The following DNAAF5 variants were observed in gnomAD, a reference collection of about 807,000 sequenced individuals.
The protein encoded by DNAAF5 is HEAT repeat containing 2.
In DNAAF5, 64 loss-of-function variants were observed where a neutral mutation model predicts 75.8. That is an observed-to-expected ratio of 0.84 (90% confidence interval 0.69 to 1.04). The LOEUF is 1.04. Among genes scored for constraint, DNAAF5 ranks in the 50% least tolerant of loss-of-function variants. The pLI is 0.00. For synonymous variants in DNAAF5, 657 were observed against 557.2 expected (o/e 1.18, Z -2.52); for missense variants, 1,269 against 1,178.5 (o/e 1.08, Z -1.12).
At position 763,962 on chromosome 7, in the gene DNAAF5, G is replaced by A. The variant is rs754002298; in HGVS notation, c.1771G>A (p.Val591Ile). ...SPELLQFSVI[V>I]AQSGPALGEA... ...GGAGCTCCTGCAGTTCAGTGTCATC[G>A]TCGCACAGTCAGGTGAGCCGTCCCG... is the stretch of plus-strand genomic sequence containing the variant. The change falls in exon 8 of 13, where the codon GTC becomes ATC. Residue 591 changes from valine to isoleucine, a missense_variant. Transcript: ENST00000297440. The A allele has an allele frequency of 4.5e-5, 72 of 1,604,038 alleles. No individual in the cohort carries two copies. Among genetic ancestry groups the A allele is most frequent in the Non-Finnish European group, 5.6e-5 (66 of 1,179,984 alleles).
intron 12 of DNAAF5, among the ~76,000 whole-genome samples, chr7:781,851 G>A (rs754341902): frequency 2.0e-5 from 3 of 152,202 alleles, no homozygotes; most frequent in Non-Finnish European, 2.9e-5. Flanking sequence ...TAGATTGTCT[G>A]CTATTGAGCC....
At chr7:768,969 C>A in intron 8 of DNAAF5, 1 of 581,604 alleles carries the variant, frequency 1.7e-6, no homozygotes, top group Non-Finnish European at 3.1e-6. Flanking sequence ...AGGCTCAAGT[C>A]AGGCGTCCCA....
intron 4 of DNAAF5, among the ~76,000 whole-genome samples, chr7:745,250 A>G (rs1327516499): frequency 2.0e-5 from 3 of 152,214 alleles, no homozygotes; most frequent in African/African-American, 7.2e-5. Context: ...AAACCAGTGG[A>G]AGACCCTTCA....
At chr7:766,180 G>A (rs1018990402) in intron 8 of DNAAF5, among the ~76,000 whole-genome samples, 66 of 152,280 alleles carry the variant, frequency 4.3e-4, no homozygotes, top group African/African-American at 1.4e-3. Flanking sequence ...CCATCTGAGC[G>A]CACACATGTG....
At position 754,621 on chromosome 7, in the gene DNAAF5, G is replaced by C. The variant is rs761665711; in HGVS notation, c.1057G>C (p.Val353Leu). 1.2e-6 allele frequency: 2 copies of C among 1,614,086 alleles called. No individual in the cohort carries two copies. The highest frequency in any genetic ancestry group is 3.3e-5 in the Admixed American group (2 of 60,012). The part of the protein sequence containing the change: ...RRPVLGCREL[V>L]FRNLSKILPA... ...CCCTGTGCTGGGCTGCCGGGAGCTC[G>C]TCTTCAGGAACCTCTCCAAGATCCT... The change falls in exon 5 of 13, where the codon GTC (valine) becomes CTC (leucine). Residue 353 changes from valine to leucine, a missense_variant. Physicochemically the swap from Val to Leu is conservative, Grantham distance 32. Coordinates refer to ENST00000297440, the MANE Select transcript of DNAAF5 (RefSeq NM_017802.4). This position sits in a 1 kb window ranked among gnomAD's most constrained non-coding sequence, Gnocchi z 4.8.
At position 728,457 on chromosome 7, in the gene DNAAF5, C is replaced by G. The variant is rs76327593; in HGVS notation, c.595+1142C>G. 4.6e-3 allele frequency among the ~76,000 whole-genome samples: 698 copies of G among 152,282 alleles called. 8 individuals carry two copies. The highest frequency in any genetic ancestry group is 0.016 in the African/African-American group (671 of 41,554). On this transcript the variant is annotated intron_variant, in intron 1 of 12. Coordinates refer to ENST00000297440, the MANE Select transcript of DNAAF5 (RefSeq NM_017802.4). ...CTGCAGCTGCGTGGAGAATAGATTC[C>G]AGAAGTAGAGGAAGAGCTGGACTTG...
chr7:747,103 G>A (rs547512645), intron 4 of DNAAF5, among the ~76,000 whole-genome samples: 45 of 152,364 alleles, frequency 3.0e-4, no homozygotes, highest in Admixed American at 1.0e-3. Flanking sequence ...CTTGCAGACT[G>A]GTTTTTGTGA....
chr7:734,363 C>T (rs766567698), intron 2 of DNAAF5, among the ~76,000 whole-genome samples: 2 of 152,188 alleles, frequency 1.3e-5, no homozygotes, highest in African/African-American at 2.4e-5. Flanking sequence ...TCACGTAGTT[C>T]TTGTCCTTCA....
rs952086792 is a variant in DNAAF5 at position 770,379 on chromosome 7, A to G, written c.1784-92A>G. 117 of 1,229,204 alleles carry G rather than the reference A, an allele frequency of 9.5e-5. No individual in the cohort carries two copies. The South Asian group carries it at 1.7e-3, about 18-fold the overall frequency. 76.1% of individuals were successfully genotyped at this position (1,229,204 alleles called of 1,614,324 possible). Reference sequence around the variant, plus strand: ...GTGGTGGCCGATAGTGCCCTCTCCCAGGTGGGAGCGCCTGAGCCTGGGCCT... The same window carrying G: ...GTGGTGGCCGATAGTGCCCTCTCCCGGGTGGGAGCGCCTGAGCCTGGGCCT... On this transcript the variant is annotated intron_variant, in intron 8 of 12. Coordinates refer to ENST00000297440, the MANE Select transcript of DNAAF5 (RefSeq NM_017802.4).
intron 1 of DNAAF5, among the ~76,000 whole-genome samples, chr7:729,143 C>A (rs953191833): frequency 2.6e-5 from 4 of 152,148 alleles, no homozygotes; most frequent in Non-Finnish European, 5.9e-5. Context: ...ATTACAGGCG[C>A]CTGCCACCTC....
intron 7 of DNAAF5, among the ~76,000 whole-genome samples, chr7:762,175 A>G (rs183531323): frequency 2.0e-5 from 3 of 152,294 alleles, no homozygotes; most frequent in Admixed American, 1.3e-4. Context: ...AAACCTGCGC[A>G]CTTGAGTAGG....
intron 8 of DNAAF5, among the ~76,000 whole-genome samples, chr7:764,571 C>T (rs1347933465): frequency 1.3e-5 from 2 of 152,212 alleles, no homozygotes; most frequent in African/African-American, 4.8e-5. Flanking sequence ...CTCCCCGGCC[C>T]TCCCGCTCCC....
intron 9 of DNAAF5, chr7:772,657 G>A (rs1161217634): frequency 6.6e-6 from 1 of 152,226 alleles, no homozygotes; most frequent in African/African-American, 2.4e-5. Flanking sequence ...TGCTGCCCGT[G>A]GACTATAGTG....
chr7:773,965 C>A, intron 9 of DNAAF5, 83 bp from the exon 10 acceptor site: 1 of 1,521,412 alleles, frequency 6.6e-7, no homozygotes, highest in Non-Finnish European at 9.1e-7. Context: ...GCTCCCCCCT[C>A]AGCCCCATTC....
At chr7:782,002 G>T (rs1459125380) in intron 12 of DNAAF5, among the ~76,000 whole-genome samples, 5 of 152,264 alleles carry the variant, frequency 3.3e-5, no homozygotes, top group Non-Finnish European at 4.4e-5. Context: ...TTTGGGCCTG[G>T]ATGTGCTGAC....
chr7:738,344 G>A (rs1781798235), intron 2 of DNAAF5, among the ~76,000 whole-genome samples: 1 of 151,970 alleles, frequency 6.6e-6, no homozygotes, highest in Non-Finnish European at 1.5e-5. Flanking sequence ...ATTTTGCTGG[G>A]CTTCCTCAAA....
chr7:781,540 G>A (rs1317121018), intron 12 of DNAAF5, among the ~76,000 whole-genome samples: 1 of 151,642 alleles, frequency 6.6e-6, no homozygotes, highest in Non-Finnish European at 1.5e-5. Flanking sequence ...GCCCAGAAGT[G>A]GGATTGCCGG....
At position 729,817 on chromosome 7, in the gene DNAAF5, T is replaced by C. The variant is rs1781506994; in HGVS notation, c.750T>C (p.Phe250=). Residue 250 remains phenylalanine (F), a synonymous_variant, in exon 2 of 13, where the codon TTT becomes TTC. Transcript: ENST00000297440. ...GKSVDDVLSH[F]AQRLFDDVPQ... ...CCGTGGACGACGTGCTTTCCCATTT[T>C]GCTCAGCGACTGTTTGATGACGTCC... 1 of 1,614,232 alleles carries C rather than the reference T, an allele frequency of 6.2e-7. No homozygotes were observed. Among genetic ancestry groups the C allele is most frequent in the South Asian group, 1.1e-5 (1 of 91,082 alleles).
chr7:727,508 C>T (rs1447599222), intron 1 of DNAAF5, 193 bp downstream of exon 1: 1 of 309,526 alleles, frequency 3.2e-6, no homozygotes, highest in East Asian at 5.1e-5. Flanking sequence ...GCCCCCTCCT[C>T]CCACCACCAC....
Sources: allele counts gnomAD v4.1 joint callset (sites outside exome capture counted in the v4.1 genomes callset), GRCh38; gene constraint gnomAD v4.1.1; non-coding constraint Gnocchi (gnomAD v3.1); transcripts MANE v1.5; gene names NCBI Gene and HGNC (gene_info 2026-07-23, HGNC 2026-07-21).